The following TG variants were observed in gnomAD, a reference collection of about 807,000 sequenced individuals.
TG encodes thyroglobulin.
Under a neutral mutation model 324.7 loss-of-function variants are expected in TG, and 270 were observed. The observed-to-expected ratio is 0.83, with a 90% CI of 0.75 to 0.92. The LOEUF (loss-of-function observed/expected upper bound fraction) is 0.92. Ranked by LOEUF, TG falls within the 40% of genes least tolerant of loss-of-function variation. TG has a pLI of 0.00. For synonymous variants in TG, 1,401 were observed against 1,327.0 expected, an observed-to-expected ratio of 1.06 and a Z score of -1.21; for missense variants, 3,591 against 3,456.4, an observed-to-expected ratio of 1.04 and a Z score of -0.98.
At chr8:133,078,521 C>T (rs1845248452) in intron 41 of TG, among the ~76,000 whole-genome samples, 1 of 152,236 alleles carries the variant, frequency 6.6e-6, no homozygotes. Context: ...CAAGAAGTCT[C>T]GAGTCCAAGA....
At chr8:133,012,118 C>T (rs1224826975) in intron 36 of TG, 83 bp downstream of exon 36, 4 of 1,579,266 alleles carry the variant, frequency 2.5e-6, no homozygotes, top group Admixed American at 1.7e-5. Flanking sequence ...TAGAAAAACA[C>T]ATGAGACACT....
At chr8:133,005,518 C>T (rs1833946444) in intron 35 of TG, among the ~76,000 whole-genome samples, 1 of 152,158 alleles carries the variant, frequency 6.6e-6, no homozygotes. Flanking sequence ...TGAGCATTTC[C>T]CCTGGGCAGC....
At chr8:132,882,679 G>A (rs1814815002) in intron 7 of TG, 67 bp downstream of exon 7, 2 of 1,613,434 alleles carry the variant, frequency 1.2e-6, no homozygotes, top group African/African-American at 2.7e-5. Context: ...TTTCAAAGTT[G>A]CTATGGTGTG....
rs1852117514 is a variant in TG at position 133,133,649 on chromosome 8, A to G, written c.8177A>G (p.Lys2726Arg). Reference protein sequence around the residue: ...SFWSKYISSLKTSADGAKGGQ... With the variant: ...SFWSKYISSLRTSADGAKGGQ... ...TGGTCCAAGTACATCTCGTCTCTGA[A>G]GACATCTGCAGGTAGCAAAGCCCTG... The change falls in exon 47 of 48, where the codon AAG (lysine) becomes AGG (arginine). Residue 2726 changes from lysine to arginine, a missense_variant. Physicochemically the swap from Lys to Arg is conservative, Grantham distance 26 (BLOSUM62 2). Coordinates refer to ENST00000220616, the MANE Select transcript of TG (RefSeq NM_003235.5). 6.2e-7 allele frequency: 1 copy of G among 1,613,896 alleles called. No individual in the cohort carries two copies. The highest frequency in any genetic ancestry group is 8.5e-7 in the Non-Finnish European group (1 of 1,179,892).
chr8:132,929,347 A>T (rs2132528120), intron 23 of TG, among the ~76,000 whole-genome samples, 155 bp downstream of exon 23: 1 of 152,374 alleles, frequency 6.6e-6, no homozygotes, highest in South Asian at 2.1e-4. Context: ...CAGAATGCAT[A>T]TTCAATTCAT....
chr8:132,868,349 A>C lies in TG; in HGVS notation c.176+126A>C, dbSNP rs1839166931. The C allele has an allele frequency of 3.4e-6, 3 of 877,760 alleles. No homozygotes were observed. The African/African-American group carries it at 5.0e-5, about 15-fold the overall frequency. 54.4% of individuals were successfully genotyped at this position (877,760 alleles called of 1,614,324 possible). ...GTGCATGTGAGGCTTGGCCACTGTC[A>C]TTTGGAGGTGCCTGCCTTTCAGTTC... is the stretch of plus-strand genomic sequence containing the variant. On this transcript the variant is annotated intron_variant, in intron 2 of 47. Transcript: ENST00000220616.
Position 132,948,842 on chromosome 8 carries a change from A to G in TG, c.5300A>G (p.Asp1767Gly), listed in dbSNP as rs765236212. 33 of 1,606,094 alleles carry G rather than the reference A, an allele frequency of 2.1e-5. No individual in the cohort carries two copies. Among genetic ancestry groups the G allele is most frequent in the Non-Finnish European group, 2.7e-5 (32 of 1,179,958 alleles). ...VLLCNVKDWMDPSEAWANATC... is the reference protein window; with the variant it reads ...VLLCNVKDWMGPSEAWANATC... Reference sequence around the variant, plus strand: ...CTTTGTAATGTCAAAGACTGGATGGATCCCTCTGAAGCCTGGGCTAATGCT... The same window carrying G: ...CTTTGTAATGTCAAAGACTGGATGGGTCCCTCTGAAGCCTGGGCTAATGCT... Residue 1767 changes from aspartate (D) to glycine (G), a missense_variant, in exon 27 of 48, where the codon GAT (aspartate) becomes GGT (glycine). Asp to Gly is a moderately conservative substitution (Grantham distance 94). Coordinates refer to ENST00000220616, the MANE Select transcript of TG (RefSeq NM_003235.5).
chr8:133,128,122 T>G (rs1416813275), intron 45 of TG, among the ~76,000 whole-genome samples: 1 of 152,148 alleles, frequency 6.6e-6, no homozygotes, highest in Admixed American at 6.6e-5. Flanking sequence ...CATTTTATTT[T>G]TGAAAAGCAG....
At chr8:132,884,299 T>A (rs1815078757) in intron 8 of TG, among the ~76,000 whole-genome samples, 1 of 152,190 alleles carries the variant, frequency 6.6e-6, no homozygotes, top group African/African-American at 2.4e-5. Flanking sequence ...TGAGAACTCT[T>A]ATTAGGCATT....
rs1036947490 is a variant in TG at position 133,048,019 on chromosome 8, C to A, written c.7239+17996C>A. ...AATGCGCCACCCACCGTACTAAGCA[C>A]CTGAAACCTAATCCTCACCTCAACC... is the stretch of plus-strand genomic sequence containing the variant. On this transcript the variant is annotated intron_variant, in intron 41 of 47. Transcript: ENST00000220616. The A allele has an allele frequency of 5.5e-6, 4 of 726,368 alleles. No individual in the cohort carries two copies. In the African/African-American group the frequency reaches 7.0e-5, roughly 13 times the overall value. 45.0% of individuals were successfully genotyped at this position (726,368 alleles called of 1,614,324 possible).
chr8:132,982,409 G>A (rs1230526321), intron 34 of TG, among the ~76,000 whole-genome samples: 6 of 152,146 alleles, frequency 3.9e-5, no homozygotes, highest in Admixed American at 2.6e-4. Flanking sequence ...ATTCAGTAAA[G>A]GAAGAAAAAG....
intron 41 of TG, among the ~76,000 whole-genome samples, chr8:133,069,979 T>G (rs1843708451): frequency 8.7e-6 from 1 of 115,142 alleles, no homozygotes; most frequent in Non-Finnish European, 1.6e-5. Flanking sequence ...TCAGTCGGGG[T>G]GACAGAGCAA....
intron 41 of TG, among the ~76,000 whole-genome samples, chr8:133,078,417 T>A (rs1845229226): frequency 6.6e-6 from 1 of 152,204 alleles, no homozygotes; most frequent in African/African-American, 2.4e-5. Flanking sequence ...CGCTTCCATG[T>A]CTTCCCTGCT....
intron 35 of TG, chr8:133,003,206 A>G (rs554528698): frequency 3.6e-5 from 7 of 193,456 alleles, no homozygotes; most frequent in Admixed American, 2.6e-4. Flanking sequence ...ACAAAAAAAG[A>G]AAGAGAAGAA....
intron 45 of TG, among the ~76,000 whole-genome samples, chr8:133,120,098 G>A (rs149694701): frequency 8.9e-4 from 135 of 152,126 alleles, no homozygotes; most frequent in African/African-American, 3.1e-3. Context: ...TGTCCTCCTC[G>A]CCAAGGCTCT....
At position 133,128,227 on chromosome 8, in the gene TG, G is replaced by A. The variant is rs372004803; in HGVS notation, c.7863-3585G>A. On this transcript the variant is annotated intron_variant, in intron 45 of 47. Transcript: ENST00000220616. ...CCATCCAGAGGACAGTGCACAGCAG[G>A]CATTCGGCAACTGTGGGCGGAGCAG... Among the ~76,000 whole-genome samples, 177 of 152,086 alleles carry A rather than the reference G, an allele frequency of 1.2e-3. 1 individual carries two copies. Among genetic ancestry groups the A allele is most frequent in the Non-Finnish European group, 9.6e-4 (65 of 67,986 alleles).
chr8:133,113,330 A>T, intron 43 of TG, 92 bp from the exon 44 acceptor site: 1 of 1,494,542 alleles, frequency 6.7e-7, no homozygotes, highest in Non-Finnish European at 9.2e-7. Flanking sequence ...ACTGCTTCCC[A>T]GAGAGAAAAT....
intron 40 of TG, among the ~76,000 whole-genome samples, chr8:133,027,784 A>G (rs1836243398): frequency 6.6e-6 from 1 of 152,258 alleles, no homozygotes; most frequent in Non-Finnish European, 1.5e-5. Context: ...TTGAGTCCCA[A>G]CTTGATCTCA....
chr8:133,032,266 C>T (rs749930209), intron 41 of TG, among the ~76,000 whole-genome samples: 16 of 152,296 alleles, frequency 1.1e-4, no homozygotes, highest in African/African-American at 3.4e-4. Context: ...TCTGTCCCTC[C>T]GAAGGTGATC....
Sources: gnomAD v4.1 joint callset for allele counts (sites outside exome capture counted in the v4.1 genomes callset) on GRCh38, gnomAD v4.1.1 for gene constraint, MANE v1.5 for transcripts, NCBI Gene and HGNC (gene_info 2026-07-23, HGNC 2026-07-21) for gene names.